TGS1: variants seen among roughly 807,000 people sequenced by gnomAD.
The protein encoded by TGS1 is trimethylguanosine synthase.
Under a neutral mutation model 92.2 loss-of-function variants are expected in TGS1, and 69 were observed. The observed-to-expected ratio is 0.75, with a 90% CI of 0.62 to 0.91. TGS1 has a LOEUF of 0.91. Ranked by LOEUF, TGS1 falls within the 40% of genes least tolerant of loss-of-function variation. The pLI is 0.00. For synonymous variants in TGS1, 345 were observed against 338.1 expected (o/e 1.02, Z -0.22); for missense variants, 1,062 against 1,001.2 (o/e 1.06, Z -0.82).
chr8:55,796,267 A>AT, intron 7 of TGS1, 115 bp downstream of exon 7: 2 of 809,626 alleles, frequency 2.5e-6, no homozygotes, highest in Non-Finnish European at 1.9e-6. Flanking sequence ...CAAGGTACAT[A>AT]ATTTTTTTTT....
chr8:55,790,441 G>T, intron 5 of TGS1, 142 bp downstream of exon 5: 1 of 630,634 alleles, frequency 1.6e-6, no homozygotes, highest in Non-Finnish European at 2.8e-6. Context: ...AAGATTCTGA[G>T]CCTTTGGACC....
chr8:55,788,586 GC>G (rs1811786040), intron 4 of TGS1, among the ~76,000 whole-genome samples: 1 of 151,878 alleles, frequency 6.6e-6, no homozygotes, highest in Non-Finnish European at 1.5e-5. Flanking sequence ...CTCCCGAGTA[GC>G]TGGGACTACA....
At chr8:55,817,319 G>A (rs1444811675) in intron 12 of TGS1, among the ~76,000 whole-genome samples, 1 of 152,112 alleles carries the variant, frequency 6.6e-6, no homozygotes, top group Non-Finnish European at 1.5e-5. Context: ...TAGGTCGATA[G>A]GAATGAGGTA....
chr8:55,806,507 A>G (rs755977327), intron 10 of TGS1, among the ~76,000 whole-genome samples: 30 of 152,044 alleles, frequency 2.0e-4, no homozygotes, highest in South Asian at 4.1e-4. Flanking sequence ...AATACATACA[A>G]TGTACAAAAT....
intron 10 of TGS1, among the ~76,000 whole-genome samples, chr8:55,808,682 T>C (rs1803254016): frequency 6.6e-6 from 1 of 152,000 alleles, no homozygotes; most frequent in Non-Finnish European, 1.5e-5. Context: ...CTAATTTTTT[T>C]ATTTTTAGTA....
Position 55,824,561 on chromosome 8 carries a change from T to C in TGS1, c.2440-20T>C, listed in dbSNP as rs773794276. On this transcript the variant is annotated intron_variant, in intron 12 of 12. Coordinates refer to ENST00000260129, the MANE Select transcript of TGS1 (RefSeq NM_024831.8). ...TTATGCTTAGGTGTGTGTGTGACTTTCTTCTGTTCATCTTTTTAGGTGGCA... is the reference window on the plus strand; with the variant it reads ...TTATGCTTAGGTGTGTGTGTGACTTCCTTCTGTTCATCTTTTTAGGTGGCA... 6.2e-7 allele frequency: 1 copy of C among 1,614,032 alleles called. No homozygotes were observed. The highest frequency in any genetic ancestry group is 1.1e-5 in the South Asian group (1 of 91,034).
At chr8:55,799,600 CAG>C (rs1040368314) in intron 8 of TGS1, among the ~76,000 whole-genome samples, 6 of 152,126 alleles carry the variant, frequency 3.9e-5, no homozygotes, top group African/African-American at 1.4e-4. Context: ...TTGTGTGAGA[CAG>C]GGTCTCATTC....
Position 55,802,503 on chromosome 8 carries a change from T to G in TGS1, c.1896T>G (p.Asn632Lys), listed in dbSNP as rs753613201. 141 of 1,613,948 alleles carry G rather than the reference T, an allele frequency of 8.7e-5. No individual in the cohort carries two copies. The highest frequency in any genetic ancestry group is 1.2e-4 in the Non-Finnish European group (138 of 1,179,970). The change falls in exon 9 of 13, where the codon AAT (asparagine) becomes AAG (lysine). Residue 632 changes from asparagine (N) to lysine (K), a missense_variant. By Grantham distance (94) the Asn-to-Lys change is moderately conservative. Transcript: ENST00000260129. ...ACAAGAAGAAGAACAAAAAGGTGAA[T>G]GGTCTGCCTCCTGAAATAGCTGCTG... The part of the protein sequence containing the change: ...KKNKKKNKKV[N>K]GLPPEIAAVP...
At chr8:55,815,801 A>G (rs1803456864) in intron 12 of TGS1, among the ~76,000 whole-genome samples, 1 of 152,110 alleles carries the variant, frequency 6.6e-6, no homozygotes, top group Admixed American at 6.6e-5. Flanking sequence ...TGATTCCAAG[A>G]CATGCATTTC....
intron 5 of TGS1, among the ~76,000 whole-genome samples, chr8:55,791,174 C>G (rs1043680486): frequency 3.3e-5 from 5 of 152,184 alleles, no homozygotes; most frequent in Admixed American, 3.3e-4. Flanking sequence ...CAACTCTACT[C>G]GAAGCAGTGC....
At chr8:55,800,644 G>A (rs1812191131) in intron 8 of TGS1, among the ~76,000 whole-genome samples, 2 of 152,162 alleles carry the variant, frequency 1.3e-5, no homozygotes, top group Non-Finnish European at 2.9e-5. Flanking sequence ...GTCATGTACA[G>A]GATGGTCTTG....
At chr8:55,786,102 C>CT (rs1255391585) in intron 3 of TGS1, 136 bp from the exon 4 acceptor site, 5 of 705,278 alleles carry the variant, frequency 7.1e-6, no homozygotes, top group African/African-American at 1.8e-5. Context: ...TAGTATATCA[C>CT]TTGTTTGTGG....
At chr8:55,796,333 A>G (rs1349776636) in intron 7 of TGS1, among the ~76,000 whole-genome samples, 181 bp downstream of exon 7, 1 of 152,048 alleles carries the variant, frequency 6.6e-6, no homozygotes, top group Non-Finnish European at 1.5e-5. Context: ...AAAAAAGGCA[A>G]GTTGAGGTAG....
At chr8:55,810,778 A>G (rs1324109581) in intron 10 of TGS1, 103 bp from the exon 11 acceptor site, 1 of 926,878 alleles carries the variant, frequency 1.1e-6, no homozygotes, top group Non-Finnish European at 1.7e-6. Flanking sequence ...CTCTTTATAA[A>G]GAGTTCTTAT....
At chr8:55,777,598 G>A (rs1254458013) in intron 1 of TGS1, among the ~76,000 whole-genome samples, 1 of 151,752 alleles carries the variant, frequency 6.6e-6, no homozygotes, top group Non-Finnish European at 1.5e-5. Flanking sequence ...GGAGTGCAGT[G>A]GCATGATCTC....
intron 7 of TGS1, among the ~76,000 whole-genome samples, chr8:55,796,403 G>A (rs1812052001): frequency 6.6e-6 from 1 of 152,066 alleles, no homozygotes; most frequent in Admixed American, 6.6e-5. Context: ...TTTAAAAAAC[G>A]CAGCCGTCAG....
Position 55,823,843 on chromosome 8 carries a change from G to A in TGS1, c.2440-738G>A, listed in dbSNP as rs559783619. Among the ~76,000 whole-genome samples, 3 of 152,198 alleles carry A rather than the reference G, an allele frequency of 2.0e-5. No individual in the cohort carries two copies. The South Asian group carries it at 6.2e-4, about 32-fold the overall frequency. On this transcript the variant is annotated intron_variant, in intron 12 of 12. Transcript: ENST00000260129. ...AATATTTTAAAAATAAACCTAGGCC[G>A]GGCACGGTGGCTTGTAATCCCAGCA... is the stretch of plus-strand genomic sequence containing the variant.
chr8:55,815,612 G>A (rs1287525833), intron 12 of TGS1, among the ~76,000 whole-genome samples: 1 of 152,066 alleles, frequency 6.6e-6, no homozygotes, highest in Non-Finnish European at 1.5e-5. Context: ...TCCCATCCAG[G>A]GAGATTGTAC....
chr8:55,805,740 T>C (rs1812347193), intron 10 of TGS1, among the ~76,000 whole-genome samples: 1 of 151,872 alleles, frequency 6.6e-6, no homozygotes, highest in South Asian at 2.1e-4. Context: ...AAAAATTAGC[T>C]GGGCATGGTG....
Sources: gnomAD v4.1 joint callset for allele counts (sites outside exome capture counted in the v4.1 genomes callset) on GRCh38, gnomAD v4.1.1 for gene constraint, MANE v1.5 for transcripts, NCBI Gene and HGNC (gene_info 2026-07-23, HGNC 2026-07-21) for gene names.